Variants in MAP3K3 observed in about 807,000 individuals in gnomAD.
MAP3K3 encodes the protein MAP/ERK kinase kinase 3.
In MAP3K3, 12 loss-of-function variants were observed where a neutral mutation model predicts 80.9. The observed-to-expected ratio is 0.15, with a 90% CI of 0.10 to 0.24. MAP3K3 has a LOEUF of 0.24. Among genes scored for constraint, MAP3K3 ranks in the 10% least tolerant of loss-of-function variants. The pLI, the probability that MAP3K3 is intolerant of heterozygous loss-of-function variation, is 1.00. For missense variants in MAP3K3, 596 were observed against 834.7 expected, an observed-to-expected ratio of 0.71 and a Z score of 3.52; for synonymous variants, 272 against 307.1, an observed-to-expected ratio of 0.89 and a Z score of 1.19.
intron 1 of MAP3K3, among the ~76,000 whole-genome samples, chr17:63,623,313 A>C (rs55703248): frequency 0.035 from 5,254 of 152,218 alleles, 323 homozygotes; most frequent in African/African-American, 0.12. Flanking sequence ...CTCGGCTAGG[A>C]GGCGATTAAA....
At chr17:63,658,734 C>CT (rs55818509) in intron 5 of MAP3K3, among the ~76,000 whole-genome samples, 2,078 of 138,106 alleles carry the variant, frequency 0.015, 31 homozygotes, top group African/African-American at 0.032. Context: ...CATTTCTTTT[C>CT]TTTTTTTTTT....
intron 7 of MAP3K3, among the ~76,000 whole-genome samples, chr17:63,684,302 C>T (rs1264561298): frequency 6.6e-6 from 1 of 152,238 alleles, no homozygotes; most frequent in Non-Finnish European, 1.5e-5. Flanking sequence ...TCCACCACAC[C>T]TGCCATGTTA....
At chr17:63,684,234 C>T (rs1339631563) in intron 7 of MAP3K3, among the ~76,000 whole-genome samples, 1 of 152,180 alleles carries the variant, frequency 6.6e-6, no homozygotes, top group Non-Finnish European at 1.5e-5. Context: ...TTTACAAGAG[C>T]GTTCACAGGA....
chr17:63,644,717 C>T (rs532596077), intron 2 of MAP3K3, among the ~76,000 whole-genome samples: 1 of 152,234 alleles, frequency 6.6e-6, no homozygotes, highest in East Asian at 1.9e-4. Flanking sequence ...AAAAGGGAGT[C>T]CTTTAGGCAT....
intron 2 of MAP3K3, among the ~76,000 whole-genome samples, chr17:63,642,000 T>C (rs2034452721): frequency 1.3e-5 from 2 of 152,232 alleles, no homozygotes; most frequent in African/African-American, 4.8e-5. Flanking sequence ...GAAGAATGGC[T>C]GGCCGGAAGG....
intron 6 of MAP3K3, among the ~76,000 whole-genome samples, chr17:63,673,780 A>T (rs1300943273): frequency 1.3e-5 from 2 of 152,142 alleles, no homozygotes; most frequent in Non-Finnish European, 2.9e-5. Context: ...GTATGATGGC[A>T]GGTGCCTGTA....
chr17:63,671,141 C>G (rs62077477), intron 6 of MAP3K3, among the ~76,000 whole-genome samples: 50 of 152,102 alleles, frequency 3.3e-4, no homozygotes, highest in Non-Finnish European at 4.9e-4. Context: ...AGCAGGTGAA[C>G]TTGTGACATT....
intron 2 of MAP3K3, among the ~76,000 whole-genome samples, chr17:63,640,196 C>G (rs1799048663): frequency 6.6e-6 from 1 of 152,200 alleles, no homozygotes; most frequent in Admixed American, 6.5e-5. Context: ...AGGAGGATCA[C>G]TTGAACCCAG....
intron 1 of MAP3K3, among the ~76,000 whole-genome samples, chr17:63,627,907 CTT>C (rs746879747): frequency 7.0e-6 from 1 of 143,032 alleles, no homozygotes. Context: ...TTCTTCAATC[CTT>C]TTTTTTTTTT....
intron 6 of MAP3K3, chr17:63,672,955 T>C (rs559150951): frequency 1.3e-5 from 2 of 152,244 alleles, no homozygotes; most frequent in East Asian, 3.9e-4. Flanking sequence ...GCAGTAGAAA[T>C]GGGGTCCAAG....
rs1188069795 is a variant in MAP3K3, at chr17:63,694,517, T to TA, written c.*741dup. On this transcript the variant is annotated 3_prime_UTR_variant, in exon 16 of 16. Transcript: ENST00000361733. Reference sequence around the variant, plus strand: ...CTGTTTTACAAGTTGGAGTCACTCTTATGCTGTACCCAGTTTCTAAACTGG... The same window carrying TA: ...CTGTTTTACAAGTTGGAGTCACTCTTAATGCTGTACCCAGTTTCTAAACTGG... 1 of 152,704 alleles carries TA rather than the reference T, an allele frequency of 6.5e-6. No homozygotes were observed. The highest frequency in any genetic ancestry group is 1.5e-5 in the Non-Finnish European group (1 of 68,082). The allele number at this position is 152,704 out of a possible 1,614,324, so 9.5% of individuals were successfully genotyped here.
Position 63,693,321 on chromosome 17 carries a change from C to A in MAP3K3, c.1653-228C>A, listed in dbSNP as rs995221805. On this transcript the variant is annotated intron_variant, in intron 15 of 15. Transcript: ENST00000361733. The surrounding 1 kb of genome is among the most constrained non-coding windows in gnomAD (Gnocchi z 4.2). ...ACAGTTATTGTAGAGTTCTTTCTGT[C>A]AAGTCTAAGTGATTCTCTTTTTCCT... Among the ~76,000 whole-genome samples the A allele has an allele frequency of 1.3e-5, 2 of 152,176 alleles. No individual in the cohort carries two copies. Among genetic ancestry groups the A allele is most frequent in the Non-Finnish European group, 2.9e-5 (2 of 68,020 alleles).
chr17:63,689,866 A>T lies in MAP3K3; in HGVS notation c.1063+131A>T, dbSNP rs1421311717. On this transcript the variant is annotated intron_variant, in intron 11 of 15. Coordinates refer to ENST00000361733, the MANE Select transcript of MAP3K3 (RefSeq NM_002401.5). The surrounding 1 kb of genome is among the most constrained non-coding windows in gnomAD (Gnocchi z 4.3). ...CTTTGGCCCAAATGCACCACATGGG[A>T]TAAGCCTTGGAGTGTCTGAAGCCTG... 2 of 815,868 alleles carry T rather than the reference A, an allele frequency of 2.5e-6. No individual in the cohort carries two copies. The highest frequency in any genetic ancestry group is 3.5e-5 in the African/African-American group (2 of 57,872). The allele number at this position is 815,868 out of a possible 1,614,324, so 50.5% of individuals were successfully genotyped here. A position where few individuals can be genotyped will look rare whatever the true frequency, so the allele number is the denominator to read the frequency against.
In MAP3K3 at chr17:63,681,769, C is replaced by A; in HGVS notation, c.506C>A (p.Ser169Tyr). The change falls in exon 7 of 16, where the codon TCC (serine) becomes TAC (tyrosine). Residue 169 changes from serine (S) to tyrosine (Y), a missense_variant. Ser to Tyr is a moderately radical substitution (Grantham distance 144). Around this residue, in one of 2 missense-constraint regions of MAP3K3, gnomAD observed 232 missense variants for 245.8 expected, o/e 0.94. Transcript: ENST00000361733. ...AAGCCTCCTTTATGTGCTCTAGGCT[C>A]CCAGAACCCTGGCCGAAGCTCACCT... The part of the protein sequence containing the change: ...EPRSRHLSVS[S>Y]QNPGRSSPPP... 6.7e-7 allele frequency: 1 copy of A among 1,499,400 alleles called. No homozygotes were observed. The highest frequency in any genetic ancestry group is 8.9e-7 in the Non-Finnish European group (1 of 1,118,142). The allele number at this position is 1,499,400 out of a possible 1,614,324, so 92.9% of individuals were successfully genotyped here. A position where few individuals can be genotyped will look rare whatever the true frequency, so the allele number is the denominator to read the frequency against.
rs759929676 is a variant in MAP3K3, at chr17:63,693,264, T to G, written c.1653-285T>G. Among the ~76,000 whole-genome samples the G allele has an allele frequency of 1.3e-5, 2 of 152,230 alleles. No homozygotes were observed. The highest frequency in any genetic ancestry group is 2.9e-5 in the Non-Finnish European group (2 of 68,040). On this transcript the variant is annotated intron_variant, in intron 15 of 15. Transcript: ENST00000361733. The surrounding 1 kb of genome is among the most constrained non-coding windows in gnomAD (Gnocchi z 4.2). ...TGTTTTCCTGCCTCTAAGTTTGTGG[T>G]CATTTGTTAAGAGCAGCTATGGGTA...
At chr17:63,651,372 C>T (rs1279828727) in intron 3 of MAP3K3, among the ~76,000 whole-genome samples, 3 of 152,080 alleles carry the variant, frequency 2.0e-5, no homozygotes, top group Non-Finnish European at 4.4e-5. Context: ...ACTTGGGAAG[C>T]TGAGGCAGGA....
At chr17:63,654,706 C>T (rs1053870813) in intron 4 of MAP3K3, among the ~76,000 whole-genome samples, 1 of 152,184 alleles carries the variant, frequency 6.6e-6, no homozygotes, top group Non-Finnish European at 1.5e-5. Flanking sequence ...TATTCTCACT[C>T]TGCTGTAAAA....
chr17:63,627,110 G>A (rs1383593811), intron 1 of MAP3K3, among the ~76,000 whole-genome samples: 1 of 152,208 alleles, frequency 6.6e-6, no homozygotes, highest in Non-Finnish European at 1.5e-5. Context: ...AAAGAGAGGA[G>A]TATGTTGCCT....
chr17:63,642,623 A>T (rs1342545973), intron 2 of MAP3K3, among the ~76,000 whole-genome samples: 1 of 152,074 alleles, frequency 6.6e-6, no homozygotes, highest in East Asian at 1.9e-4. Context: ...GCGCCACTGC[A>T]CTCCAGCCTG....
Sources: allele counts gnomAD v4.1 joint callset (sites outside exome capture counted in the v4.1 genomes callset), GRCh38; gene constraint gnomAD v4.1.1; regional missense constraint gnomAD v4.1.1; non-coding constraint Gnocchi (gnomAD v3.1); transcripts MANE v1.5; gene names NCBI Gene and HGNC (gene_info 2026-07-23, HGNC 2026-07-21).